Variants in SSTR3 observed in about 807,000 individuals in gnomAD.
SSTR3 encodes somatostatin receptor 3.
For missense variants in SSTR3, 504 were observed against 604.7 expected (o/e 0.83, Z 1.75); for synonymous variants, 281 against 269.2 (o/e 1.04, Z -0.43).
rs1376419910 is a variant in SSTR3, at chr22:37,207,521, G to C, written c.283C>G (p.Leu95Val). ...TGGGCGGCCAGGAAGGGCAGCCCCA[G>C]CATGAAGAGCTCGTCGGCCAGCGCC... ...NLALADELFM[L>V]GLPFLAAQNA... is the part of the protein sequence containing the mutation. Residue 95 changes from leucine to valine, a missense_variant, in exon 2 of 2, where the codon CTG becomes GTG. Transcript: ENST00000610913. 6.2e-7 allele frequency: 1 copy of C among 1,613,314 alleles called. No homozygotes were observed.
Position 37,204,850 on chromosome 22 carries a change from C to G in SSTR3, c.*1697G>C, listed in dbSNP as rs972274830. The G allele has an allele frequency of 3.9e-5, 6 of 152,272 alleles. No individual in the cohort carries two copies. In the East Asian group the frequency reaches 9.6e-4, roughly 24 times the overall value. 9.4% of individuals were successfully genotyped at this position (152,272 alleles called of 1,614,324 possible). ...TGCCAGCCCAGGACCCTGAGGTGTG[C>G]TGAAGATCCAAGTCTCCAAAAGTCT... On this transcript the variant is annotated 3_prime_UTR_variant, in exon 2 of 2. Coordinates refer to ENST00000610913, the MANE Select transcript of SSTR3 (RefSeq NM_001051.5).
chr22:37,219,171 T>G, the SSTR3 span, among the ~76,000 whole-genome samples: 3 of 151,992 alleles, frequency 2.0e-5, no homozygotes, highest in Non-Finnish European at 4.4e-5. Flanking sequence ...AGCGAGGAGG[T>G]GGGGGTGGAA....
the SSTR3 span, among the ~76,000 whole-genome samples, chr22:37,220,050 C>T: frequency 6.6e-6 from 1 of 152,088 alleles, no homozygotes; most frequent in African/African-American, 2.4e-5. Flanking sequence ...GCAGGTCCTT[C>T]TGTGTGTTTG....
chr22:37,218,698 C>A, the SSTR3 span, among the ~76,000 whole-genome samples: 65,715 of 151,918 alleles, frequency 0.43, 14,491 homozygotes, highest in Non-Finnish European at 0.49. Flanking sequence ...CTCACCCCCA[C>A]TCTGCCCTGT....
chr22:37,210,721 A>T, intron 1 of SSTR3: 1 of 985,442 alleles, frequency 1.0e-6, no homozygotes, highest in Non-Finnish European at 1.2e-6. Context: ...AGAGAGGGTG[A>T]GTGGCTGTCC....
chr22:37,211,005 T>C, intron 1 of SSTR3: 1 of 984,326 alleles, frequency 1.0e-6, no homozygotes, highest in Non-Finnish European at 1.2e-6. Context: ...GGAGAGTTTT[T>C]AGAGAGGAAG....
chr22:37,217,854 C>T, the SSTR3 span, among the ~76,000 whole-genome samples: 1 of 152,144 alleles, frequency 6.6e-6, no homozygotes, highest in Non-Finnish European at 1.5e-5. Flanking sequence ...CAGGCACATG[C>T]CACCACACCC....
At chr22:37,211,033 G>A in intron 1 of SSTR3, 2 of 963,220 alleles carry the variant, frequency 2.1e-6, no homozygotes, top group Non-Finnish European at 2.5e-6. Context: ...GGCTCAGAGA[G>A]GTTGAGTAAG....
At chr22:37,216,145 G>A (rs139500666), upstream of SSTR3, among the ~76,000 whole-genome samples, 219 of 152,230 alleles carry the variant, frequency 1.4e-3, 1 homozygote, top group African/African-American at 5.0e-3. Context: ...CTACTGTAGC[G>A]CTGAAAAGGT....
At chr22:37,211,173 C>T (rs920985437) in intron 1 of SSTR3, among the ~76,000 whole-genome samples, 1 of 152,242 alleles carries the variant, frequency 6.6e-6, no homozygotes, top group Non-Finnish European at 1.5e-5. Flanking sequence ...GGATCAAAGG[C>T]CATGACAGTC....
At chr22:37,212,810 C>T (rs751057855), upstream of SSTR3, among the ~76,000 whole-genome samples, 4 of 152,224 alleles carry the variant, frequency 2.6e-5, no homozygotes, top group Non-Finnish European at 5.9e-5. Flanking sequence ...TGCAGTCGGG[C>T]ACACCGGCCG....
Position 37,207,176 on chromosome 22 carries a change from T to C in SSTR3, c.628A>G (p.Thr210Ala), listed in dbSNP as rs140167759. ...AAWRAGFIIYTAALGFFGPLL... is the reference protein window; with the variant it reads ...AAWRAGFIIYAAALGFFGPLL... The stretch of plus-strand genomic sequence containing the variant: ...GGCCCGAAGAAGCCCAGTGCGGCCG[T>C]GTAGATGATGAAGCCGGCTCGCCAG... The change falls in exon 2 of 2, where the codon ACG becomes GCG. Residue 210 changes from threonine (T) to alanine (A), a missense_variant. Transcript: ENST00000610913. 1.9e-6 allele frequency: 3 copies of C among 1,611,996 alleles called. No homozygotes were observed. The highest frequency in any genetic ancestry group is 2.5e-6 in the Non-Finnish European group (3 of 1,179,496).
intron 1 of SSTR3, among the ~76,000 whole-genome samples, chr22:37,210,302 A>G (rs1199202658): frequency 6.6e-6 from 1 of 152,160 alleles, no homozygotes; most frequent in Non-Finnish European, 1.5e-5. Flanking sequence ...ACGCCTGCCC[A>G]GCACATGTCT....
chr22:37,212,063 C>T lies in SSTR3; in HGVS notation c.-275G>A. 1.0e-6 allele frequency: 1 copy of T among 985,666 alleles called. No homozygotes were observed. Among genetic ancestry groups the T allele is most frequent in the Non-Finnish European group, 1.2e-6 (1 of 830,168 alleles). 61.1% of individuals were successfully genotyped at this position (985,666 alleles called of 1,614,324 possible). A position where few individuals can be genotyped will look rare whatever the true frequency, so the allele number is the denominator to read the frequency against. On this transcript the variant is annotated 5_prime_UTR_variant, in exon 1 of 2. The change abolishes the stop of an existing upstream ORF in the 5' untranslated region. Coordinates refer to ENST00000610913, the MANE Select transcript of SSTR3 (RefSeq NM_001051.5). ...ACTTCCCAACCAGAGCCTGGTACGT[C>T]ACCCCCCATCTCCAGGACACATCCT... is the stretch of plus-strand genomic sequence containing the variant.
At chr22:37,216,843 C>A (rs1005290729), upstream of SSTR3, among the ~76,000 whole-genome samples, 1 of 152,140 alleles carries the variant, frequency 6.6e-6, no homozygotes, top group African/African-American at 2.4e-5. Context: ...CTCTGTCACC[C>A]AAGCTGGAGT....
chr22:37,205,203 G>A lies in SSTR3; in HGVS notation c.*1344C>T, dbSNP rs1295177360. ...CTTTATTAAGGCCTGAGCCCTCTTG[G>A]CAGCACTCTGAGGCCCCTCAGGGAC... On this transcript the variant is annotated 3_prime_UTR_variant, in exon 2 of 2. Coordinates refer to ENST00000610913, the MANE Select transcript of SSTR3 (RefSeq NM_001051.5). The A allele has an allele frequency of 6.6e-6, 1 of 152,408 alleles. No homozygotes were observed. Among genetic ancestry groups the A allele is most frequent in the East Asian group, 1.9e-4 (1 of 5,194 alleles). The allele number at this position is 152,408 out of a possible 1,614,324, so 9.4% of individuals were successfully genotyped here.
chr22:37,219,458 C>T, the SSTR3 span, among the ~76,000 whole-genome samples: 36 of 152,186 alleles, frequency 2.4e-4, no homozygotes, highest in Non-Finnish European at 4.1e-4. Flanking sequence ...CCTTGAGGTC[C>T]TCTCCGGAAG....
rs777016404 is a variant in SSTR3 at position 37,206,962 on chromosome 22, A to C, written c.842T>G (p.Val281Gly). Residue 281 changes from valine to glycine, a missense_variant, in exon 2 of 2, where the codon GTG becomes GGG. Val to Gly is a moderately radical substitution (Grantham distance 109, BLOSUM62 -3). Coordinates refer to ENST00000610913, the MANE Select transcript of SSTR3 (RefSeq NM_001051.5). ...MPFYVLNIVN[V>G]VCPLPEEPAF... ...AGGCTCCTCGGGCAGTGGGCACACCACGTTGACGATGTTGAGCACGTAGAA... is the reference window on the plus strand; with the variant it reads ...AGGCTCCTCGGGCAGTGGGCACACCCCGTTGACGATGTTGAGCACGTAGAA... 1 of 1,612,456 alleles carries C rather than the reference A, an allele frequency of 6.2e-7. No homozygotes were observed. The highest frequency in any genetic ancestry group is 8.5e-7 in the Non-Finnish European group (1 of 1,179,274).
At chr22:37,218,576 T>C in the SSTR3 span, among the ~76,000 whole-genome samples, 1 of 152,042 alleles carries the variant, frequency 6.6e-6, no homozygotes, top group South Asian at 2.1e-4. Context: ...ATAGAGGGTG[T>C]GTCAATCTCT....
Sources: gnomAD v4.1 joint callset for allele counts (sites outside exome capture counted in the v4.1 genomes callset) on GRCh38, gnomAD v4.1.1 for gene constraint, MANE v1.5 for transcripts, NCBI Gene and HGNC (gene_info 2026-07-23, HGNC 2026-07-21) for gene names.